ERCC6L2: variants seen among roughly 807,000 people sequenced by gnomAD.
The protein encoded by ERCC6L2 is ERCC excision repair 6 like 2.
Under a neutral mutation model 132.0 loss-of-function variants are expected in ERCC6L2, and 77 were observed. The ratio of observed to expected loss-of-function variants is 0.58; its 90% CI spans 0.49 to 0.71. The LOEUF is 0.71. Ranked by LOEUF, ERCC6L2 falls within the 30% of genes least tolerant of loss-of-function variation. The probability of loss-of-function intolerance (pLI) is 0.00; values close to 1 mark genes in which losing one functional copy is unlikely to be tolerated. For synonymous variants in ERCC6L2, 583 were observed against 632.4 expected (o/e 0.92, Z 1.17); for missense variants, 1,542 against 1,837.6 (o/e 0.84, Z 2.94).
intron 20 of ERCC6L2, among the ~76,000 whole-genome samples, chr9:96,040,659 A>T (rs1390737981): frequency 6.6e-6 from 1 of 151,992 alleles, no homozygotes; most frequent in South Asian, 2.1e-4. Flanking sequence ...CCCTGCCATG[A>T]CTCTTATGTC....
rs1832748301 is a variant in ERCC6L2, at chr9:95,978,152, T to A, written c.3429T>A (p.His1143Gln). ...AENHMSRWAA[H>Q]DVFELKQFSQ... ...ATCACATGAGCCGATGGGCAGCACA[T>A]GACGTATTTGAGTTGAAGCAGTTTT... The change falls in exon 17 of 19, where the codon CAT becomes CAA. Residue 1143 changes from histidine (H) to glutamine (Q), a missense_variant. Around this residue, in one of 4 missense-constraint regions of ERCC6L2, gnomAD observed 442 missense variants for 583.4 expected, o/e 0.76. Transcript: ENST00000653738. 7.3e-7 allele frequency: 1 copy of A among 1,367,304 alleles called. No individual in the cohort carries two copies. The highest frequency in any genetic ancestry group is 1.9e-5 in the Admixed American group (1 of 52,492). 84.7% of individuals were successfully genotyped at this position (1,367,304 alleles called of 1,614,324 possible). A position where few individuals can be genotyped will look rare whatever the true frequency, so the allele number is the denominator to read the frequency against.
intron 4 of ERCC6L2, among the ~76,000 whole-genome samples, chr9:95,907,834 C>CACACACACACACACACACACACACACAA (rs1445012457): frequency 6.3e-4 from 72 of 114,476 alleles, no homozygotes; most frequent in Middle Eastern, 5.4e-3. Flanking sequence ...ACTACACACA[C>CACACACACACACACACACACACACACAA]ACACACACAC....
chr9:95,970,298 G>A (rs1196800799), intron 14 of ERCC6L2, among the ~76,000 whole-genome samples: 1 of 152,050 alleles, frequency 6.6e-6, no homozygotes, highest in African/African-American at 2.4e-5. Context: ...CTTCCCACTA[G>A]TACTTTTAAT....
At chr9:96,032,685 A>G (rs762925317) in intron 19 of ERCC6L2, among the ~76,000 whole-genome samples, 4 of 152,184 alleles carry the variant, frequency 2.6e-5, no homozygotes, top group Non-Finnish European at 5.9e-5. Flanking sequence ...CTGCCTCACC[A>G]GGAGCCCGGA....
chr9:95,889,402 CTT>C (rs1296581987), intron 2 of ERCC6L2, among the ~76,000 whole-genome samples: 1 of 152,058 alleles, frequency 6.6e-6, no homozygotes, highest in Non-Finnish European at 1.5e-5. Flanking sequence ...AGGTATCTCT[CTT>C]GTCTTTTCAG....
intron 2 of ERCC6L2, among the ~76,000 whole-genome samples, chr9:95,892,848 G>A (rs899325795): frequency 6.6e-6 from 1 of 152,094 alleles, no homozygotes; most frequent in African/African-American, 2.4e-5. Context: ...TTACTATGAA[G>A]TGTCCCTTGT....
Position 95,966,523 on chromosome 9 carries a change from C to T in ERCC6L2, c.1948-39C>T, listed in dbSNP as rs766595035. 5 of 1,413,708 alleles carry T rather than the reference C, an allele frequency of 3.5e-6. No homozygotes were observed. The South Asian group carries it at 9.2e-5, about 26-fold the overall frequency. 87.6% of individuals were successfully genotyped at this position (1,413,708 alleles called of 1,614,324 possible). Reference sequence around the variant, plus strand: ...AGGAAATTCTGACATATTGTTGGAGCAAACACTTCAAAAATGTCTTGTGTT... The same window carrying T: ...AGGAAATTCTGACATATTGTTGGAGTAAACACTTCAAAAATGTCTTGTGTT... On this transcript the variant is annotated intron_variant, in intron 13 of 18. Transcript: ENST00000653738.
chr9:95,918,988 T>C (rs11794391), intron 6 of ERCC6L2, among the ~76,000 whole-genome samples: 45,469 of 151,820 alleles, frequency 0.3, 7,087 homozygotes, highest in East Asian at 0.38. Flanking sequence ...TCTGCCTCAG[T>C]CTCCCAAGTA....
chr9:95,954,894 G>A lies in ERCC6L2; in HGVS notation c.1848-1020G>A, dbSNP rs367791014. The A allele has an allele frequency of 3.7e-4, 176 of 470,982 alleles. 4 individuals are homozygous for A. The Middle Eastern group carries it at 0.011, about 31-fold the overall frequency. The allele number at this position is 470,982 out of a possible 1,614,324, so 29.2% of individuals were successfully genotyped here. On this transcript the variant is annotated intron_variant, in intron 12 of 18. Transcript: ENST00000653738. ...GATTTGCAGGATCCAAGATGTCCTC[G>A]AGTAAAAGTCCATTGTGAGGAGGGA...
intron 6 of ERCC6L2, chr9:95,918,032 A>T: frequency 5.6e-6 from 1 of 177,784 alleles, no homozygotes; most frequent in Non-Finnish European, 1.2e-5. Flanking sequence ...TATTTTATAT[A>T]AACATTTTTT....
At chr9:95,944,299 C>T (rs1487575335) in intron 12 of ERCC6L2, among the ~76,000 whole-genome samples, 1 of 152,098 alleles carries the variant, frequency 6.6e-6, no homozygotes, top group African/African-American at 2.4e-5. Flanking sequence ...TATGATTCTA[C>T]TTATATGAAA....
At chr9:95,974,172 C>CT (rs1448422858) in intron 16 of ERCC6L2, among the ~76,000 whole-genome samples, 1 of 152,110 alleles carries the variant, frequency 6.6e-6, no homozygotes, top group Non-Finnish European at 1.5e-5. Flanking sequence ...TTTTCTCTTT[C>CT]TTTCGATTTC....
At position 95,875,888 on chromosome 9, in the gene ERCC6L2, A is replaced by G; in HGVS notation, c.-151A>G. The G allele has an allele frequency of 5.2e-6, 4 of 764,692 alleles. No homozygotes were observed. Among genetic ancestry groups the G allele is most frequent in the South Asian group, 5.0e-5 (3 of 60,208 alleles). The allele number at this position is 764,692 out of a possible 1,614,324, so 47.4% of individuals were successfully genotyped here. On this transcript the variant is annotated 5_prime_UTR_variant, in exon 1 of 19. Coordinates refer to ENST00000653738, the MANE Select transcript of ERCC6L2 (RefSeq NM_020207.7). Reference sequence around the variant, plus strand: ...ACCTTTGCTGGGATCCCCCTCCTCCATCCTGTGGCTTCGGGTTGCCGAAGA... The same window carrying G: ...ACCTTTGCTGGGATCCCCCTCCTCCGTCCTGTGGCTTCGGGTTGCCGAAGA...
intron 18 of ERCC6L2, among the ~76,000 whole-genome samples, chr9:96,008,979 C>T (rs17305728): frequency 0.034 from 5,159 of 152,300 alleles, 134 homozygotes; most frequent in Non-Finnish European, 0.053. Context: ...TAACATTACC[C>T]ATTTTTCCAG....
At chr9:96,037,240 C>G (rs921895602) in intron 19 of ERCC6L2, among the ~76,000 whole-genome samples, 1 of 152,216 alleles carries the variant, frequency 6.6e-6, no homozygotes, top group Admixed American at 6.5e-5. Flanking sequence ...CGTCCCTGTG[C>G]GTGGAGAGGA....
At chr9:95,905,749 C>G (rs916424312) in intron 3 of ERCC6L2, among the ~76,000 whole-genome samples, 1 of 152,140 alleles carries the variant, frequency 6.6e-6, no homozygotes, top group Admixed American at 6.5e-5. Flanking sequence ...TTTCTTCTTT[C>G]TCTTTCCAAA....
chr9:95,956,794 G>A (rs1831625927), intron 13 of ERCC6L2, among the ~76,000 whole-genome samples: 1 of 152,204 alleles, frequency 6.6e-6, no homozygotes, highest in Admixed American at 6.5e-5. Flanking sequence ...GCCACAGCAT[G>A]TGGGGATTAT....
At chr9:95,994,409 T>C (rs920151840) in intron 17 of ERCC6L2, among the ~76,000 whole-genome samples, 1 of 152,246 alleles carries the variant, frequency 6.6e-6, no homozygotes, top group Non-Finnish European at 1.5e-5. Flanking sequence ...CACTGACTTA[T>C]CAGGCCTAAT....
At chr9:95,878,975 G>A (rs1284801262) in intron 1 of ERCC6L2, among the ~76,000 whole-genome samples, 1 of 152,106 alleles carries the variant, frequency 6.6e-6, no homozygotes, top group African/African-American at 2.4e-5. Context: ...ACGTGTGCAT[G>A]TGTCTTTATA....
Sources: gnomAD v4.1 joint callset for allele counts (sites outside exome capture counted in the v4.1 genomes callset) on GRCh38, gnomAD v4.1.1 for gene constraint, gnomAD v4.1.1 regional missense constraint, MANE v1.5 for transcripts, NCBI Gene and HGNC (gene_info 2026-07-23, HGNC 2026-07-21) for gene names.